Variants in SIPA1L2 observed in about 807,000 individuals in gnomAD.
SIPA1L2 encodes the protein signal-induced proliferation-associated 1-like protein 2.
A neutral mutation model predicts 163.9 loss-of-function variants in SIPA1L2; 56 were observed. The ratio of observed to expected loss-of-function variants is 0.34; its 90% CI spans 0.28 to 0.43. SIPA1L2 has a LOEUF of 0.43. Ranked by LOEUF, SIPA1L2 falls within the 20% of genes least tolerant of loss-of-function variation. The probability of loss-of-function intolerance (pLI) is 1.00; values close to 1 mark genes in which losing one functional copy is unlikely to be tolerated. For synonymous variants in SIPA1L2, 877 were observed against 865.7 expected (o/e 1.01, Z -0.23); for missense variants, 1,974 against 2,193.5 (o/e 0.90, Z 2.00).
At chr1:232,424,002 A>C (rs1661729745) in intron 18 of SIPA1L2, among the ~76,000 whole-genome samples, 1 of 152,208 alleles carries the variant, frequency 6.6e-6, no homozygotes, top group Admixed American at 6.5e-5. Context: ...GAACACGCAG[A>C]GCACAGAGGA....
intron 9 of SIPA1L2, among the ~76,000 whole-genome samples, chr1:232,464,292 A>G (rs112575685): frequency 1.1e-3 from 165 of 152,346 alleles, no homozygotes; most frequent in African/African-American, 3.7e-3. Flanking sequence ...CATACATGAA[A>G]ATCTTTCTTA....
chr1:232,399,013 T>C lies in SIPA1L2; in HGVS notation c.*114A>G. 6.9e-7 allele frequency: 1 copy of C among 1,444,238 alleles called. No individual in the cohort carries two copies. Among genetic ancestry groups the C allele is most frequent in the South Asian group, 1.3e-5 (1 of 76,054 alleles). The allele number at this position is 1,444,238 out of a possible 1,614,324, so 89.5% of individuals were successfully genotyped here. On this transcript the variant is annotated 3_prime_UTR_variant, in exon 23 of 23. Coordinates refer to ENST00000674635, the MANE Select transcript of SIPA1L2 (RefSeq NM_020808.5). Reference sequence around the variant, plus strand: ...CTGTGGTGAATGGTGCTACACAGAATGGAACAGCAAAAACATCTACGATTG... The same window carrying C: ...CTGTGGTGAATGGTGCTACACAGAACGGAACAGCAAAAACATCTACGATTG...
intron 1 of SIPA1L2, among the ~76,000 whole-genome samples, chr1:232,613,961 T>C (rs1662379240): frequency 1.3e-5 from 2 of 152,280 alleles, no homozygotes; most frequent in South Asian, 2.1e-4. Flanking sequence ...AGGAGGGCAT[T>C]GTGCAGAAAC....
chr1:232,413,636 T>C (rs1197404579), intron 19 of SIPA1L2, among the ~76,000 whole-genome samples: 1 of 152,212 alleles, frequency 6.6e-6, no homozygotes, highest in Non-Finnish European at 1.5e-5. Context: ...AATACCTACT[T>C]ACTCCTTGTT....
chr1:232,565,196 T>A (rs139438670), intron 2 of SIPA1L2, among the ~76,000 whole-genome samples: 2 of 152,246 alleles, frequency 1.3e-5, no homozygotes, highest in African/African-American at 4.8e-5. Context: ...AAACCTTAGA[T>A]AGGTGAAGTA....
At chr1:232,482,973 A>C (rs993288653) in intron 6 of SIPA1L2, among the ~76,000 whole-genome samples, 1 of 151,008 alleles carries the variant, frequency 6.6e-6, no homozygotes, top group African/African-American at 2.5e-5. Context: ...TAGTTGTTTG[A>C]TAATAAGCAG....
At position 232,483,445 on chromosome 1, in the gene SIPA1L2, T is replaced by C. The variant is rs558764815; in HGVS notation, c.1981+347A>G. On this transcript the variant is annotated intron_variant, in intron 6 of 22. Transcript: ENST00000674635. ...TAATATTTTGTCTCTTAGAAATAAATGCAGTGCTTGTCCTTGGTATACTGA... is the reference window on the plus strand; with the variant it reads ...TAATATTTTGTCTCTTAGAAATAAACGCAGTGCTTGTCCTTGGTATACTGA... Among the ~76,000 whole-genome samples, 9 of 152,238 alleles carry C rather than the reference T, an allele frequency of 5.9e-5. No homozygotes were observed. In the East Asian group the frequency reaches 1.7e-3, roughly 29 times the overall value.
intron 16 of SIPA1L2, among the ~76,000 whole-genome samples, chr1:232,430,989 C>T (rs923337805): frequency 2.0e-5 from 3 of 152,218 alleles, no homozygotes; most frequent in Admixed American, 6.5e-5. Context: ...CTCGCTCTCA[C>T]TGAGCATTAG....
At chr1:232,447,349 C>A (rs1663278503) in intron 10 of SIPA1L2, among the ~76,000 whole-genome samples, 1 of 152,196 alleles carries the variant, frequency 6.6e-6, no homozygotes, top group African/African-American at 2.4e-5. Flanking sequence ...GTCTATCTAC[C>A]CCCAGCTGGC....
At chr1:232,466,734 T>G (rs1004830234) in intron 8 of SIPA1L2, among the ~76,000 whole-genome samples, 1 of 152,082 alleles carries the variant, frequency 6.6e-6, no homozygotes. Flanking sequence ...GAGCTTGCAG[T>G]GAGCCGAGAT....
intron 17 of SIPA1L2, among the ~76,000 whole-genome samples, chr1:232,426,965 G>A (rs768491945): frequency 6.6e-6 from 1 of 152,214 alleles, no homozygotes; most frequent in Non-Finnish European, 1.5e-5. Context: ...GAATGTAGCA[G>A]TAAGTCTAAA....
intron 7 of SIPA1L2, among the ~76,000 whole-genome samples, chr1:232,475,541 AG>A (rs1289214806): frequency 6.6e-6 from 1 of 152,244 alleles, no homozygotes; most frequent in East Asian, 1.9e-4. Context: ...ATAATAACTA[AG>A]GAAGGGCAAC....
Position 232,465,463 on chromosome 1 carries a change from T to C in SIPA1L2, c.2244-47A>G, listed in dbSNP as rs745722842. ...CAAAATGAGATGAGCTATGATACCA[T>C]AATATGTATCTTTCCGAATTTGACA... On this transcript the variant is annotated intron_variant, in intron 8 of 22. Coordinates refer to ENST00000674635, the MANE Select transcript of SIPA1L2 (RefSeq NM_020808.5). This position sits in a 1 kb window ranked among gnomAD's most constrained non-coding sequence, Gnocchi z 4.1. 7 of 1,503,606 alleles carry C rather than the reference T, an allele frequency of 4.7e-6. No individual in the cohort carries two copies. Among genetic ancestry groups the C allele is most frequent in the Non-Finnish European group, 5.4e-6 (6 of 1,107,510 alleles). 93.1% of individuals were successfully genotyped at this position (1,503,606 alleles called of 1,614,324 possible).
At chr1:232,501,689 AG>A (rs1270155716) in intron 3 of SIPA1L2, among the ~76,000 whole-genome samples, 2 of 152,160 alleles carry the variant, frequency 1.3e-5, no homozygotes, top group Non-Finnish European at 2.9e-5. Flanking sequence ...AACTGGCTAC[AG>A]GGGGAGGAGA....
chr1:232,543,576 A>G (rs1657824030), intron 2 of SIPA1L2, among the ~76,000 whole-genome samples: 1 of 152,226 alleles, frequency 6.6e-6, no homozygotes, highest in Non-Finnish European at 1.5e-5. Flanking sequence ...TATCTAATGC[A>G]TACAATGGGC....
At chr1:232,443,295 A>C (rs1469426137) in intron 12 of SIPA1L2, among the ~76,000 whole-genome samples, 2 of 152,212 alleles carry the variant, frequency 1.3e-5, no homozygotes, top group Non-Finnish European at 1.5e-5. Context: ...TCTGATTTTG[A>C]GCGGCGTTTC....
intron 22 of SIPA1L2, among the ~76,000 whole-genome samples, chr1:232,401,447 C>A (rs115015995): frequency 3.3e-5 from 5 of 152,176 alleles, no homozygotes; most frequent in Admixed American, 6.5e-5. Context: ...CACCCATATC[C>A]GCTATCCACA....
At chr1:232,523,874 C>T (rs1667564274) in intron 2 of SIPA1L2, among the ~76,000 whole-genome samples, 1 of 152,188 alleles carries the variant, frequency 6.6e-6, no homozygotes, top group Non-Finnish European at 1.5e-5. Context: ...AACACAAAGC[C>T]TTCAAATCTG....
chr1:232,575,315 C>T (rs536981264), intron 1 of SIPA1L2, among the ~76,000 whole-genome samples: 1 of 152,288 alleles, frequency 6.6e-6, no homozygotes, highest in South Asian at 2.1e-4. Context: ...CAAGTGTTAA[C>T]CCAGCATAGC....
Sources: allele counts gnomAD v4.1 joint callset (sites outside exome capture counted in the v4.1 genomes callset), GRCh38; gene constraint gnomAD v4.1.1; non-coding constraint Gnocchi (gnomAD v3.1); transcripts MANE v1.5; gene names NCBI Gene and HGNC (gene_info 2026-07-23, HGNC 2026-07-21).